The following FRMD4B variants were observed in gnomAD, a reference collection of about 807,000 sequenced individuals.
The protein encoded by FRMD4B is FERM domain-containing protein 4B.
A neutral mutation model predicts 141.5 loss-of-function variants in FRMD4B; 74 were observed. The ratio of observed to expected loss-of-function variants is 0.52; its 90% CI spans 0.43 to 0.63. The LOEUF (loss-of-function observed/expected upper bound fraction) is 0.63. Ranked by LOEUF, FRMD4B falls within the 30% of genes least tolerant of loss-of-function variation. The pLI is 0.00. For missense variants in FRMD4B, 1,366 were observed against 1,253.4 expected (o/e 1.09, Z -1.36); for synonymous variants, 506 against 467.9 (o/e 1.08, Z -1.05).
chr3:69,473,183 T>C (rs1343345036), intron 1 of FRMD4B, among the ~76,000 whole-genome samples: 3 of 152,032 alleles, frequency 2.0e-5, no homozygotes, highest in Non-Finnish European at 2.9e-5. Flanking sequence ...AGAAGACCAA[T>C]TATTGGCATC....
chr3:69,199,866 G>T (rs931104245), intron 11 of FRMD4B, among the ~76,000 whole-genome samples: 3 of 152,186 alleles, frequency 2.0e-5, no homozygotes, highest in South Asian at 2.1e-4. Flanking sequence ...TGTTTTCTGG[G>T]CTGCTTCCTA....
intron 21 of FRMD4B, among the ~76,000 whole-genome samples, chr3:69,180,659 A>T (rs1039373729): frequency 3.3e-5 from 5 of 152,194 alleles, no homozygotes; most frequent in South Asian, 4.1e-4. Flanking sequence ...TAAATGCTCA[A>T]TCAATGTTTG....
chr3:69,288,863 C>T (rs1700784572), intron 4 of FRMD4B, among the ~76,000 whole-genome samples: 1 of 152,174 alleles, frequency 6.6e-6, no homozygotes, highest in African/African-American at 2.4e-5. Flanking sequence ...AGTGCTTGAG[C>T]CTTTGCTTCT....
chr3:69,508,486 T>C (rs1706635741), intron 1 of FRMD4B, among the ~76,000 whole-genome samples: 1 of 152,306 alleles, frequency 6.6e-6, no homozygotes, highest in South Asian at 2.1e-4. Context: ...TTTCTTTATT[T>C]CCTAGTCAAT....
At chr3:69,491,300 T>C (rs367828471) in intron 1 of FRMD4B, among the ~76,000 whole-genome samples, 1 of 152,130 alleles carries the variant, frequency 6.6e-6, no homozygotes, top group Non-Finnish European at 1.5e-5. Context: ...CTGAAATTTA[T>C]AGCTGACTCT....
At chr3:69,528,367 T>A (rs1293736294) in intron 1 of FRMD4B, among the ~76,000 whole-genome samples, 1 of 147,552 alleles carries the variant, frequency 6.8e-6, no homozygotes, top group Non-Finnish European at 1.5e-5. Flanking sequence ...TCTCTCTCTC[T>A]TTTTTTTCTT....
At chr3:69,535,484 G>T (rs1701070204) in intron 1 of FRMD4B, among the ~76,000 whole-genome samples, 1 of 152,208 alleles carries the variant, frequency 6.6e-6, no homozygotes, top group South Asian at 2.1e-4. Flanking sequence ...ACTATTATTT[G>T]TTGAGCCTTT....
intron 7 of FRMD4B, among the ~76,000 whole-genome samples, chr3:69,239,984 C>A (rs1476423991): frequency 6.6e-6 from 1 of 151,642 alleles, no homozygotes; most frequent in Admixed American, 6.6e-5. Context: ...ACCCAAGAGG[C>A]GGAGGTTGCA....
At chr3:69,203,768 T>A (rs2092995896) in intron 11 of FRMD4B, among the ~76,000 whole-genome samples, 1 of 152,194 alleles carries the variant, frequency 6.6e-6, no homozygotes, top group African/African-American at 2.4e-5. Context: ...AGTATCAAAA[T>A]TCAGTAAGCA....
chr3:69,427,664 T>TTTTTTTTTTTTTTTTTTTTTTTTTTA (rs1705109413), intron 2 of FRMD4B, among the ~76,000 whole-genome samples: 1 of 132,936 alleles, frequency 7.5e-6, no homozygotes, highest in Non-Finnish European at 1.6e-5. Context: ...TTTTTTTTTT[T>TTTTTTTTTTTTTTTTTTTTTTTTTTA]TTTTTTTTTG....
At chr3:69,297,341 A>T (rs915487117) in intron 4 of FRMD4B, among the ~76,000 whole-genome samples, 6 of 152,126 alleles carry the variant, frequency 3.9e-5, no homozygotes, top group Admixed American at 1.3e-4. Context: ...CTACAGTAGG[A>T]AAGTGAGTTC....
chr3:69,265,254 CA>C (rs1170675639), intron 5 of FRMD4B, among the ~76,000 whole-genome samples: 82 of 8,410 alleles, frequency 9.8e-3, no homozygotes, highest in East Asian at 0.029. Context: ...GACTCCATCT[CA>C]AAAAAAAAAA....
intron 1 of FRMD4B, among the ~76,000 whole-genome samples, chr3:69,498,452 G>A (rs555312026): frequency 1.3e-5 from 2 of 152,312 alleles, no homozygotes; most frequent in Admixed American, 1.3e-4. Flanking sequence ...GAGAGAGAGA[G>A]AGACAGAAAG....
intron 3 of FRMD4B, among the ~76,000 whole-genome samples, chr3:69,309,599 C>T (rs973974609): frequency 1.4e-5 from 2 of 144,770 alleles, no homozygotes; most frequent in Non-Finnish European, 3.0e-5. Context: ...TGTCACCATA[C>T]CTGGCTGATT....
chr3:69,301,586 T>A (rs1010843091), intron 4 of FRMD4B, among the ~76,000 whole-genome samples: 2 of 152,174 alleles, frequency 1.3e-5, no homozygotes, highest in African/African-American at 4.8e-5. Context: ...TGCCTCAGCC[T>A]CCCAAGGTGC....
intron 1 of FRMD4B, among the ~76,000 whole-genome samples, chr3:69,385,378 A>G (rs1194840532): frequency 1.3e-5 from 2 of 152,112 alleles, no homozygotes; most frequent in Non-Finnish European, 2.9e-5. Context: ...CTGATGGAAA[A>G]CTGAAAATCC....
intron 1 of FRMD4B, among the ~76,000 whole-genome samples, chr3:69,364,997 T>C (rs1448492683): frequency 6.6e-6 from 1 of 152,146 alleles, no homozygotes; most frequent in Non-Finnish European, 1.5e-5. Flanking sequence ...GAAACCACAA[T>C]ATGAAACCGA....
intron 4 of FRMD4B, among the ~76,000 whole-genome samples, chr3:69,300,991 C>T (rs1212392131): frequency 1.3e-5 from 2 of 152,196 alleles, no homozygotes; most frequent in Non-Finnish European, 2.9e-5. Flanking sequence ...CTACCTCGGC[C>T]TCCCAAAGTG....
chr3:69,260,631 A>G (rs898625657), intron 5 of FRMD4B, among the ~76,000 whole-genome samples: 4 of 152,240 alleles, frequency 2.6e-5, no homozygotes, highest in Admixed American at 6.5e-5. Flanking sequence ...AGGGCTGAGG[A>G]GTGCAGGCGC....
Sources: allele counts gnomAD v4.1 joint callset (sites outside exome capture counted in the v4.1 genomes callset), GRCh38; gene constraint gnomAD v4.1.1; transcripts MANE v1.5; gene names NCBI Gene and HGNC (gene_info 2026-07-23, HGNC 2026-07-21).